STK32B: variants seen among roughly 807,000 people sequenced by gnomAD.
STK32B encodes the protein serine/threonine kinase 32B.
Under a neutral mutation model 52.6 loss-of-function variants are expected in STK32B, and 43 were observed. That is an observed-to-expected ratio of 0.82 (90% CI 0.64 to 1.05). The LOEUF is 1.05. STK32B is among the 50% of genes least tolerant of loss of function. The probability of loss-of-function intolerance (pLI) is 0.00; values close to 1 mark genes in which losing one functional copy is unlikely to be tolerated. For synonymous variants in STK32B, 238 were observed against 204.3 expected (o/e 1.17, Z -1.41); for missense variants, 621 against 534.6 (o/e 1.16, Z -1.59).
chr4:5,343,298 C>T (rs1577373460), intron 4 of STK32B, among the ~76,000 whole-genome samples: 1 of 152,034 alleles, frequency 6.6e-6, no homozygotes, highest in Admixed American at 6.6e-5. Context: ...TTTATGGCTG[C>T]ATAGTATTCC....
intron 9 of STK32B, among the ~76,000 whole-genome samples, chr4:5,465,330 G>A (rs1717353743): frequency 6.6e-6 from 1 of 152,110 alleles, no homozygotes; most frequent in South Asian, 2.1e-4. Flanking sequence ...GCCCATAGAG[G>A]TTTAGGGAGT....
Position 5,499,226 on chromosome 4 carries a change from TGG to T in STK32B, c.*145_*146del, listed in dbSNP as rs2108739732. On this transcript the variant is annotated 3_prime_UTR_variant, in exon 12 of 12. Coordinates refer to ENST00000282908, the MANE Select transcript of STK32B (RefSeq NM_018401.3). ...GCCCTGGACTTGGAGCTGGGAAGCC[TGG>T]GTTCTGGTCCCATCTCCATGACTGA... 8.2e-7 allele frequency: 1 copy of T among 1,226,322 alleles called. No homozygotes were observed. The highest frequency in any genetic ancestry group is 2.8e-5 in the East Asian group (1 of 35,846). 76.0% of individuals were successfully genotyped at this position (1,226,322 alleles called of 1,614,324 possible). A position where few individuals can be genotyped will look rare whatever the true frequency, so the allele number is the denominator to read the frequency against.
intron 1 of STK32B, among the ~76,000 whole-genome samples, chr4:5,066,278 T>A (rs1479614784): frequency 6.6e-6 from 1 of 152,078 alleles, no homozygotes; most frequent in Non-Finnish European, 1.5e-5. Context: ...CTATGTTGAT[T>A]TTATCTCCTA....
At chr4:5,138,850 G>T (rs1716233948) in intron 1 of STK32B, among the ~76,000 whole-genome samples, 1 of 152,216 alleles carries the variant, frequency 6.6e-6, no homozygotes, top group Admixed American at 6.5e-5. Flanking sequence ...GGGAGTAGCT[G>T]CTCTCACGTG....
chr4:5,168,531 T>C, intron 3 of STK32B, 81 bp downstream of exon 3: 5 of 1,449,408 alleles, frequency 3.4e-6, no homozygotes, highest in Non-Finnish European at 4.6e-6. Context: ...AGAGGGACTC[T>C]TCCGCATTGT....
At chr4:5,068,944 C>T (rs559181985) in intron 1 of STK32B, among the ~76,000 whole-genome samples, 61 of 152,278 alleles carry the variant, frequency 4.0e-4, no homozygotes, top group Admixed American at 1.5e-3. Context: ...GACCTACTCC[C>T]TTGGCAAATT....
chr4:5,221,352 T>G (rs1355634950), intron 3 of STK32B, among the ~76,000 whole-genome samples: 2 of 152,282 alleles, frequency 1.3e-5, no homozygotes, highest in East Asian at 3.9e-4. Context: ...AAAATAAAAT[T>G]AGCAGGAGTT....
Position 5,476,120 on chromosome 4 carries a change from G to C in STK32B, c.1106+8050G>C, listed in dbSNP as rs1467027915. On this transcript the variant is annotated intron_variant, in intron 11 of 11. Coordinates refer to ENST00000282908, the MANE Select transcript of STK32B (RefSeq NM_018401.3). Reference sequence around the variant, plus strand: ...TCGCCACGTTGGCCAAGCTGGTCTCGATCTCCTGACCTCAGGTGATCTGCC... The same window carrying C: ...TCGCCACGTTGGCCAAGCTGGTCTCCATCTCCTGACCTCAGGTGATCTGCC... Among the ~76,000 whole-genome samples the C allele has an allele frequency of 4.6e-5, 7 of 151,894 alleles. No individual in the cohort carries two copies. In the East Asian group the frequency reaches 1.4e-3, roughly 30 times the overall value.
At position 5,358,701 on chromosome 4, in the gene STK32B, G is replaced by GCGCA. The variant is rs151338728; in HGVS notation, c.434+27309_434+27310insGCAC. Among the ~76,000 whole-genome samples, 776 of 106,802 alleles carry GCGCA rather than the reference G, an allele frequency of 7.3e-3. 5 individuals carry two copies. The highest frequency in any genetic ancestry group is 0.03 in the African/African-American group (743 of 24,592). The allele number at this position is 106,802 out of a possible 152,430, so 70.1% of individuals were successfully genotyped here. ...CATGCCAGGACACATTCACACACAT[G>GCGCA]CACACACACACACACACACACAGGC... On this transcript the variant is annotated intron_variant, in intron 4 of 11. Transcript: ENST00000282908.
chr4:5,116,142 C>T (rs574637714), intron 1 of STK32B, among the ~76,000 whole-genome samples: 1 of 152,078 alleles, frequency 6.6e-6, no homozygotes, highest in African/African-American at 2.4e-5. Context: ...GCTGGTGCAT[C>T]AGCTGCTCTA....
the STK32B span, among the ~76,000 whole-genome samples, chr4:5,029,509 C>T: frequency 6.6e-6 from 1 of 152,124 alleles, no homozygotes; most frequent in South Asian, 2.1e-4. Context: ...CCCTGATTGA[C>T]ACCAGCAAGG....
intron 4 of STK32B, among the ~76,000 whole-genome samples, chr4:5,355,928 A>G (rs1204900171): frequency 2.6e-5 from 4 of 152,152 alleles, no homozygotes; most frequent in African/African-American, 9.7e-5. Context: ...GCAGCAGTGG[A>G]GGACAGGGAA....
intron 3 of STK32B, among the ~76,000 whole-genome samples, chr4:5,307,548 CT>C (rs558277345): frequency 0.12 from 16,387 of 137,258 alleles, 1,047 homozygotes; most frequent in African/African-American, 0.2. Context: ...TATGCTCTAT[CT>C]TTTTTTTTTT....
intron 1 of STK32B, among the ~76,000 whole-genome samples, chr4:5,128,230 C>G (rs1715531737): frequency 6.6e-6 from 1 of 152,216 alleles, no homozygotes. Flanking sequence ...CAATGAATTT[C>G]TGTTGTTTTA....
At chr4:5,103,803 C>T (rs1394754578) in intron 1 of STK32B, among the ~76,000 whole-genome samples, 2 of 152,084 alleles carry the variant, frequency 1.3e-5, no homozygotes, top group African/African-American at 2.4e-5. Flanking sequence ...ATTATTTTTG[C>T]CAGTACGATG....
intron 3 of STK32B, among the ~76,000 whole-genome samples, chr4:5,177,384 C>T (rs1167425836): frequency 1.3e-5 from 2 of 152,176 alleles, no homozygotes; most frequent in African/African-American, 4.8e-5. Context: ...GATTTAATTG[C>T]CTCCCACTAG....
At chr4:5,025,210 G>T in the STK32B span, among the ~76,000 whole-genome samples, 1 of 152,144 alleles carries the variant, frequency 6.6e-6, no homozygotes, top group South Asian at 2.1e-4. Flanking sequence ...GTGGTCCATA[G>T]ACCAGCAGGA....
chr4:5,283,101 C>A (rs1053194539), intron 3 of STK32B, among the ~76,000 whole-genome samples: 1 of 152,116 alleles, frequency 6.6e-6, no homozygotes, highest in African/African-American at 2.4e-5. Context: ...TCCCTAGCCT[C>A]TGATAACCAC....
chr4:5,343,753 C>G (rs1014447151), intron 4 of STK32B, among the ~76,000 whole-genome samples: 20 of 152,112 alleles, frequency 1.3e-4, no homozygotes, highest in African/African-American at 4.8e-4. Flanking sequence ...TTCTGCACAG[C>G]AAAAGAAACT....
Sources: gnomAD v4.1 joint callset for allele counts (sites outside exome capture counted in the v4.1 genomes callset) on GRCh38, gnomAD v4.1.1 for gene constraint, MANE v1.5 for transcripts, NCBI Gene and HGNC (gene_info 2026-07-23, HGNC 2026-07-21) for gene names.